ACER3: variants seen among roughly 807,000 people sequenced by gnomAD.
The protein encoded by ACER3 is alkaline ceramidase 3.
A neutral mutation model predicts 48.9 loss-of-function variants in ACER3; 16 were observed. That is an observed-to-expected ratio of 0.33 (90% CI 0.22 to 0.50). ACER3 has a LOEUF of 0.50. Among genes scored for constraint, ACER3 ranks in the 20% least tolerant of loss-of-function variants. The probability of loss-of-function intolerance (pLI) is 0.98; values close to 1 mark genes in which losing one functional copy is unlikely to be tolerated. For missense variants in ACER3, 227 were observed against 326.0 expected, an observed-to-expected ratio of 0.70 and a Z score of 2.34; for synonymous variants, 109 against 107.8, an observed-to-expected ratio of 1.01 and a Z score of -0.07.
chr11:76,989,562 G>A (rs1405890815), intron 5 of ACER3, among the ~76,000 whole-genome samples: 2 of 152,044 alleles, frequency 1.3e-5, no homozygotes, highest in Non-Finnish European at 2.9e-5. Context: ...AATGAATAGA[G>A]GAGGATTTCT....
At chr11:76,974,776 TA>T (rs11323448) in intron 3 of ACER3, among the ~76,000 whole-genome samples, 103,272 of 151,194 alleles carry the variant, frequency 0.68, 35,565 homozygotes, top group Non-Finnish European at 0.74. Flanking sequence ...ATGAAGGGGT[TA>T]AAAAAAAAGG....
Position 76,951,053 on chromosome 11 carries a change from A to G in ACER3, c.215-7926A>G, listed in dbSNP as rs1016232915. ...TTTTGTCTTCATTCATATCCTTACCATGAAATGATCCTCTCCTAAGTTTTG... is the reference window on the plus strand; with the variant it reads ...TTTTGTCTTCATTCATATCCTTACCGTGAAATGATCCTCTCCTAAGTTTTG... On this transcript the variant is annotated intron_variant, in intron 2 of 10. Transcript: ENST00000532485. 3.9e-5 allele frequency among the ~76,000 whole-genome samples: 6 copies of G among 152,194 alleles called. No individual in the cohort carries two copies. In the South Asian group the frequency reaches 1.0e-3, roughly 26 times the overall value.
intron 1 of ACER3, among the ~76,000 whole-genome samples, chr11:76,898,247 C>A (rs1430660188): frequency 2.0e-5 from 3 of 152,186 alleles, no homozygotes; most frequent in South Asian, 4.1e-4. Context: ...ACCTCAAAGA[C>A]TCCAAAAAGG....
chr11:76,940,638 C>G (rs1565189920), intron 2 of ACER3, among the ~76,000 whole-genome samples: 2 of 152,128 alleles, frequency 1.3e-5, no homozygotes, highest in Non-Finnish European at 2.9e-5. Flanking sequence ...AACAATCCTT[C>G]TCTTCTTATC....
At chr11:76,883,742 C>T (rs906256433) in intron 1 of ACER3, among the ~76,000 whole-genome samples, 10 of 152,060 alleles carry the variant, frequency 6.6e-5, no homozygotes, top group African/African-American at 2.2e-4. Flanking sequence ...TGTGCCCAGC[C>T]GATTTTCTTG....
At chr11:76,904,401 T>C (rs1477985913) in intron 1 of ACER3, among the ~76,000 whole-genome samples, 1 of 152,186 alleles carries the variant, frequency 6.6e-6, no homozygotes, top group African/African-American at 2.4e-5. Flanking sequence ...AATTCACCTA[T>C]GACCTGTAAG....
intron 6 of ACER3, among the ~76,000 whole-genome samples, chr11:76,991,134 A>G (rs1013741329): frequency 3.9e-5 from 6 of 152,180 alleles, no homozygotes; most frequent in African/African-American, 1.4e-4. Flanking sequence ...AATCTCACCA[A>G]CAGTCCTACT....
chr11:76,896,035 A>G (rs577247322), intron 1 of ACER3, among the ~76,000 whole-genome samples: 174 of 152,360 alleles, frequency 1.1e-3, no homozygotes, highest in Admixed American at 2.7e-3. Context: ...ATCACCAACT[A>G]AGACCTGGGA....
intron 4 of ACER3, among the ~76,000 whole-genome samples, chr11:76,977,840 C>T (rs906785139): frequency 6.6e-6 from 1 of 152,186 alleles, no homozygotes; most frequent in Non-Finnish European, 1.5e-5. Context: ...TCCAGGAAAC[C>T]CCTTGCCCCT....
chr11:76,986,342 A>T (rs570210320), intron 5 of ACER3, among the ~76,000 whole-genome samples: 61 of 152,328 alleles, frequency 4.0e-4, no homozygotes, highest in African/African-American at 1.3e-3. Flanking sequence ...TAATAGGGGT[A>T]AAAACTACTT....
intron 2 of ACER3, among the ~76,000 whole-genome samples, chr11:76,950,393 ATATATATATATAT>A (rs1947624665): frequency 3.1e-5 from 1 of 32,254 alleles, no homozygotes; most frequent in South Asian, 9.8e-4. Context: ...ATATATATAT[ATATATATATATAT>A]ATATAATTTA....
chr11:76,965,800 T>A (rs1199946562), intron 3 of ACER3, among the ~76,000 whole-genome samples: 1 of 151,122 alleles, frequency 6.6e-6, no homozygotes, highest in African/African-American at 2.5e-5. Flanking sequence ...AAAGAGCTCC[T>A]GAAGGAAGCA....
intron 5 of ACER3, among the ~76,000 whole-genome samples, chr11:76,988,906 C>G (rs1375886865): frequency 6.6e-6 from 1 of 152,086 alleles, no homozygotes; most frequent in Non-Finnish European, 1.5e-5. Context: ...TGGGACCTTG[C>G]AAATTACTTA....
chr11:76,950,402 TATATATATA>T (rs1285668471), intron 2 of ACER3, among the ~76,000 whole-genome samples: 607 of 31,290 alleles, frequency 0.019, 145 homozygotes, highest in Non-Finnish European at 0.034. Flanking sequence ...TATATATATA[TATATATATA>T]ATTTACACAT....
intron 2 of ACER3, among the ~76,000 whole-genome samples, chr11:76,934,831 A>G (rs566060352): frequency 6.6e-6 from 1 of 152,154 alleles, no homozygotes; most frequent in African/African-American, 2.4e-5. Context: ...TCTCTATAAA[A>G]TAGACCCCCC....
At chr11:76,896,404 ATC>A (rs757842916) in intron 1 of ACER3, among the ~76,000 whole-genome samples, 8 of 148,938 alleles carry the variant, frequency 5.4e-5, no homozygotes, top group African/African-American at 1.0e-4. Flanking sequence ...CACGCCTGTA[ATC>A]TCAGCACTTT....
At chr11:76,989,428 A>G (rs1251683913) in intron 5 of ACER3, among the ~76,000 whole-genome samples, 1 of 152,148 alleles carries the variant, frequency 6.6e-6, no homozygotes, top group Non-Finnish European at 1.5e-5. Flanking sequence ...TAAATGCCAC[A>G]AAGTTTATAC....
At chr11:76,908,055 G>A (rs971759899) in intron 1 of ACER3, among the ~76,000 whole-genome samples, 6 of 152,054 alleles carry the variant, frequency 3.9e-5, no homozygotes, top group Non-Finnish European at 8.8e-5. Flanking sequence ...GGCCAACATG[G>A]TGAAACCCTG....
chr11:76,872,905 C>CTTTTTTTTTTTTTTTTTTTTTTT lies in ACER3; in HGVS notation c.103+11831_103+11832insTTTTTTTTTTTTTTTTTTTTTTT, dbSNP rs756362938. On this transcript the variant is annotated intron_variant, in intron 1 of 10. Transcript: ENST00000532485. ...TCTTTTCTTTCTTTCTTTCTTTTTT[C>CTTTTTTTTTTTTTTTTTTTTTTT]TTTTTCTTTTTTTTTTTTTTTTTTG... Among the ~76,000 whole-genome samples the CTTTTTTTTTTTTTTTTTTTTTTT allele has an allele frequency of 8.6e-4, 81 of 94,558 alleles. 2 individuals are homozygous for CTTTTTTTTTTTTTTTTTTTTTTT. Among genetic ancestry groups the CTTTTTTTTTTTTTTTTTTTTTTT allele is most frequent in the Non-Finnish European group, 1.1e-3 (54 of 47,378 alleles). 62.0% of individuals were successfully genotyped at this position (94,558 alleles called of 152,430 possible).
Sources: allele counts gnomAD v4.1 joint callset (sites outside exome capture counted in the v4.1 genomes callset), GRCh38; gene constraint gnomAD v4.1.1; transcripts MANE v1.5; gene names NCBI Gene and HGNC (gene_info 2026-07-23, HGNC 2026-07-21).